The following A2ML1 variants were observed in gnomAD, a reference collection of about 807,000 sequenced individuals.
A2ML1 encodes the protein alpha-2-macroglobulin like 1, also known as alpha-2-macroglobulin-like protein 1.
In A2ML1, 161 loss-of-function variants were observed where a neutral mutation model predicts 181.9. The observed-to-expected ratio is 0.89, with a 90% confidence interval of 0.78 to 1.01. The LOEUF (loss-of-function observed/expected upper bound fraction) is 1.01, where lower values mean the gene tolerates loss of function less well. Ranked by LOEUF, A2ML1 falls within the 50% of genes least tolerant of loss-of-function variation. The pLI is 0.00. For missense variants in A2ML1, 1,670 were observed against 1,768.1 expected, an observed-to-expected ratio of 0.94 and a Z score of 1.00; for synonymous variants, 663 against 666.8, an observed-to-expected ratio of 0.99 and a Z score of 0.09.
In A2ML1 at chr12:8,837,891, GAAA is replaced by G. The variant is rs151300022; in HGVS notation, c.855+341_855+343del. Among the ~76,000 whole-genome samples, 458 of 103,830 alleles carry G rather than the reference GAAA, an allele frequency of 4.4e-3. 3 individuals carry two copies. Among genetic ancestry groups the G allele is most frequent in the African/African-American group, 9.7e-3 (262 of 27,134 alleles). The allele number at this position is 103,830 out of a possible 152,430, so 68.1% of individuals were successfully genotyped here. On this transcript the variant is annotated intron_variant, in intron 8 of 35. Coordinates refer to ENST00000299698, the MANE Select transcript of A2ML1 (RefSeq NM_144670.6). ...CAACACTCAGTCCCCCTCCCCCACC[GAAA>G]AAAAAAAAAAAAAAAGAACGTATCC...
At position 8,848,714 on chromosome 12, in the gene A2ML1, TC is replaced by T; in HGVS notation, c.1834-3del. 6.3e-7 allele frequency: 1 copy of T among 1,589,862 alleles called. No homozygotes were observed. Among genetic ancestry groups the T allele is most frequent in the Non-Finnish European group, 8.6e-7 (1 of 1,167,870 alleles). Reference sequence around the variant, plus strand: ...TGCTTTATTTCCTCTCCCCCTCTTGTCCCAGGTCTATGGGATGTTTCCATTC... The same window carrying T: ...TGCTTTATTTCCTCTCCCCCTCTTGTCCAGGTCTATGGGATGTTTCCATTC... On this transcript the variant is annotated splice_region_variant and splice_polypyrimidine_tract_variant and intron_variant, in intron 15 of 35. Coordinates refer to ENST00000299698, the MANE Select transcript of A2ML1 (RefSeq NM_144670.6).
At chr12:8,823,679 C>G in intron 2 of A2ML1, 41 bp from the exon 3 acceptor site, 3 of 1,594,364 alleles carry the variant, frequency 1.9e-6, no homozygotes, top group Non-Finnish European at 2.6e-6. Flanking sequence ...TCTGTTCCCC[C>G]AATCCCTTAC....
At chr12:8,878,030 C>T (rs888569169), downstream of A2ML1, among the ~76,000 whole-genome samples, 2 of 152,138 alleles carry the variant, frequency 1.3e-5, no homozygotes, top group South Asian at 2.1e-4. This position sits in a 1 kb window ranked among gnomAD's most constrained non-coding sequence, Gnocchi z 4.4. Flanking sequence ...CGGCCCAGTG[C>T]GGTGGCTCAT....
Position 8,843,117 on chromosome 12 carries a change from C to T in A2ML1, c.1249-17C>T. 6.2e-7 allele frequency: 1 copy of T among 1,609,354 alleles called. No individual in the cohort carries two copies. The highest frequency in any genetic ancestry group is 8.5e-7 in the Non-Finnish European group (1 of 1,175,890). On this transcript the variant is annotated splice_polypyrimidine_tract_variant and intron_variant, in intron 11 of 35. Transcript: ENST00000299698. ...TGGAGCACATGCTAAAATTCTCTCT[C>T]TCTCTTTTATTCTCAGGGAAAGTTT... is the stretch of plus-strand genomic sequence containing the variant.
At position 8,823,750 on chromosome 12, in the gene A2ML1, G is replaced by C. The variant is rs775011475; in HGVS notation, c.277G>C (p.Val93Leu). 6.2e-7 allele frequency: 1 copy of C among 1,613,964 alleles called. No individual in the cohort carries two copies. The highest frequency in any genetic ancestry group is 8.5e-7 in the Non-Finnish European group (1 of 1,180,020). Residue 93 changes from valine to leucine, a missense_variant, in exon 3 of 36, where the codon GTG becomes CTG. Val to Leu is a conservative substitution (Grantham distance 32). Coordinates refer to ENST00000299698, the MANE Select transcript of A2ML1 (RefSeq NM_144670.6). ...ACCTCCTGCTGGTGGCACAGAAGAA[G>C]TGGCCACAATCCGGGTGTCGGGAGT... ...VPPPAGGTEE[V>L]ATIRVSGVGN...
chr12:8,834,667 C>G lies in A2ML1; in HGVS notation c.468C>G (p.Ser156=), dbSNP rs781343678. Residue 156 remains serine (S), a synonymous_variant, in exon 5 of 36, where the codon TCC becomes TCG. Coordinates refer to ENST00000299698, the MANE Select transcript of A2ML1 (RefSeq NM_144670.6). The part of the protein sequence containing the change: ...SNFVPVNDKY[S]MVELQDPNSN... The stretch of plus-strand genomic sequence containing the variant: ...TATCTGGTTTTCCTTTTCAGTACTC[C>G]ATGGTGGAACTACAGGTAAGCGGAA... The G allele has an allele frequency of 6.2e-7, 1 of 1,614,170 alleles. No homozygotes were observed.
At chr12:8,861,380 C>T in intron 28 of A2ML1, 83 bp downstream of exon 28, 6 of 1,443,336 alleles carry the variant, frequency 4.2e-6, no homozygotes, top group Non-Finnish European at 4.8e-6. Context: ...ACCTCTGTCC[C>T]ACACATGTAC....
In A2ML1 at chr12:8,854,019, C is replaced by G. The variant is rs142791203; in HGVS notation, c.2591-109C>G. 128 of 1,370,954 alleles carry G rather than the reference C, an allele frequency of 9.3e-5. 1 individual carries two copies. The East Asian group carries it at 3.2e-3, about 35-fold the overall frequency. 84.9% of individuals were successfully genotyped at this position (1,370,954 alleles called of 1,614,324 possible). On this transcript the variant is annotated intron_variant, in intron 20 of 35. Coordinates refer to ENST00000299698, the MANE Select transcript of A2ML1 (RefSeq NM_144670.6). ...CAGGTCTATGGCAGCAGAGTTTGCA[C>G]TGTTGCAAGATCCCCATTAAAGTTT... is the stretch of plus-strand genomic sequence containing the variant.
At chr12:8,829,898 ACTG>A in intron 4 of A2ML1, 119 bp downstream of exon 4, 1 of 1,229,690 alleles carries the variant, frequency 8.1e-7, no homozygotes, top group Non-Finnish European at 1.2e-6. Flanking sequence ...TGGGTTGGAG[ACTG>A]CTGTGTGCGT....
At chr12:8,858,569 G>A (rs911516896) in intron 26 of A2ML1, among the ~76,000 whole-genome samples, 2 of 152,116 alleles carry the variant, frequency 1.3e-5, no homozygotes, top group African/African-American at 2.4e-5. Flanking sequence ...CTGGGTGACC[G>A]AGTGAGACCC....
At position 8,830,068 on chromosome 12, in the gene A2ML1, T is replaced by C. The variant is rs190469353; in HGVS notation, c.462+289T>C. On this transcript the variant is annotated intron_variant, in intron 4 of 35. Transcript: ENST00000299698. Reference sequence around the variant, plus strand: ...ATTTTATTTTATTTATTTGTTTATTTAGAGACAGAGTCTCGCTCTGTGGCC... The same window carrying C: ...ATTTTATTTTATTTATTTGTTTATTCAGAGACAGAGTCTCGCTCTGTGGCC... Among the ~76,000 whole-genome samples the C allele has an allele frequency of 2.6e-5, 4 of 152,306 alleles. No homozygotes were observed. In the East Asian group the frequency reaches 7.7e-4, roughly 29 times the overall value.
chr12:8,848,957 G>T (rs1437588051), intron 16 of A2ML1, 43 bp downstream of exon 16: 1 of 1,575,378 alleles, frequency 6.3e-7, no homozygotes, highest in African/African-American at 1.4e-5. Flanking sequence ...AAAGATGGTG[G>T]TGGGAATGGG....
chr12:8,837,614 GCTCACGC>G, intron 8 of A2ML1, 48 bp downstream of exon 8: 1 of 1,550,060 alleles, frequency 6.5e-7, no homozygotes, highest in Non-Finnish European at 8.8e-7. Context: ...AGGCACGGTG[GCTCACGC>G]CTGTCATCCC....
At chr12:8,849,618 T>C (rs1565479225) in intron 16 of A2ML1, 51 bp from the exon 17 acceptor site, 2 of 1,427,216 alleles carry the variant, frequency 1.4e-6, no homozygotes, top group Non-Finnish European at 2.0e-6. Context: ...CAGTAGCCCT[T>C]GTAGTTGGGG....
intron 33 of A2ML1, among the ~76,000 whole-genome samples, 177 bp from the exon 34 acceptor site, chr12:8,874,248 T>A (rs1421537753): frequency 6.6e-6 from 1 of 152,174 alleles, no homozygotes; most frequent in Admixed American, 6.5e-5. Flanking sequence ...ACTCCTGACC[T>A]CTGGTGATTC....
intron 7 of A2ML1, among the ~76,000 whole-genome samples, chr12:8,882,882 T>G (rs1459942465): frequency 2.0e-5 from 3 of 152,160 alleles, no homozygotes; most frequent in Non-Finnish European, 4.4e-5. Flanking sequence ...AAAGTTCTAT[T>G]CCTGTTCATG....
intron 29 of A2ML1, among the ~76,000 whole-genome samples, chr12:8,865,861 A>T (rs749086009): frequency 3.3e-5 from 5 of 152,196 alleles, no homozygotes; most frequent in African/African-American, 1.2e-4. Flanking sequence ...AATCACTTTG[A>T]TGAGGCTACA....
intron 23 of A2ML1, among the ~76,000 whole-genome samples, chr12:8,856,321 T>C (rs1944060517): frequency 6.6e-6 from 1 of 152,236 alleles, no homozygotes; most frequent in Non-Finnish European, 1.5e-5. Flanking sequence ...TAGAGTTCAC[T>C]GTCTATATCT....
chr12:8,834,803 C>A, intron 5 of A2ML1, 121 bp downstream of exon 5: 1 of 1,269,756 alleles, frequency 7.9e-7, no homozygotes, highest in Non-Finnish European at 1.1e-6. Context: ...ATGACTCTGC[C>A]CAGCACCGAG....
Sources: allele counts gnomAD v4.1 joint callset (sites outside exome capture counted in the v4.1 genomes callset), GRCh38; gene constraint gnomAD v4.1.1; non-coding constraint Gnocchi (gnomAD v3.1); transcripts MANE v1.5; gene names NCBI Gene and HGNC (gene_info 2026-07-23, HGNC 2026-07-21).